PDIA5: variants seen among roughly 807,000 people sequenced by gnomAD.
The protein encoded by PDIA5 is protein disulfide-isomerase A5.
Under a neutral mutation model 77.6 loss-of-function variants are expected in PDIA5, and 58 were observed. The ratio of observed to expected loss-of-function variants is 0.75; its 90% CI spans 0.61 to 0.93. PDIA5 has a LOEUF of 0.93. Ranked by LOEUF, PDIA5 falls within the 40% of genes least tolerant of loss-of-function variation. The probability of loss-of-function intolerance (pLI) is 0.00; values close to 1 mark genes in which losing one functional copy is unlikely to be tolerated. For synonymous variants in PDIA5, 250 were observed against 252.1 expected (o/e 0.99, Z 0.08); for missense variants, 630 against 647.7 (o/e 0.97, Z 0.30).
At chr3:123,110,001 T>A (rs1934824247) in intron 6 of PDIA5, among the ~76,000 whole-genome samples, 1 of 152,256 alleles carries the variant, frequency 6.6e-6, no homozygotes, top group Non-Finnish European at 1.5e-5. Context: ...ATTTTCTTAT[T>A]TTCCTTATTA....
chr3:123,116,784 G>A lies in PDIA5; in HGVS notation c.609+486G>A, dbSNP rs189140402. Among the ~76,000 whole-genome samples, 433 of 152,286 alleles carry A rather than the reference G, an allele frequency of 2.8e-3. 5 individuals carry two copies. The highest frequency in any genetic ancestry group is 1.0e-2 in the African/African-American group (414 of 41,546). The stretch of plus-strand genomic sequence containing the variant: ...GTGGTTCCTGTGGGGCGGGAAGAAC[G>A]GTGGGAACCAGAGGAGGAGGAGGTG... On this transcript the variant is annotated intron_variant, in intron 8 of 16. Transcript: ENST00000316218.
chr3:123,101,599 C>T (rs1416276740), intron 3 of PDIA5, among the ~76,000 whole-genome samples: 2 of 152,172 alleles, frequency 1.3e-5, no homozygotes, highest in African/African-American at 4.8e-5. Context: ...TTCCTCTTAC[C>T]TTGGTCACGT....
At position 123,124,278 on chromosome 3, in the gene PDIA5, A is replaced by G. The variant is rs1289093522; in HGVS notation, c.708A>G (p.Gly236=). ...GFPTICYFEK[G]RFLFQYDNYG... ...GTTTCTCCACGTTTCACAGGAAAGG[A>G]CGGTTCTTGTTCCAGTATGACAACT... is the stretch of plus-strand genomic sequence containing the variant. Residue 236 remains glycine (G), a synonymous_variant, in exon 10 of 17, where the codon GGA becomes GGG. Transcript: ENST00000316218. The G allele has an allele frequency of 6.2e-7, 1 of 1,612,446 alleles. No individual in the cohort carries two copies. Among genetic ancestry groups the G allele is most frequent in the African/African-American group, 1.3e-5 (1 of 74,896 alleles).
At chr3:123,129,043 C>T (rs1037517853) in intron 10 of PDIA5, among the ~76,000 whole-genome samples, 57 of 137,214 alleles carry the variant, frequency 4.2e-4, no homozygotes, top group African/African-American at 1.4e-3. Flanking sequence ...TTACCTAACC[C>T]GTCCTTCCAA....
chr3:123,153,717 A>G (rs555302724), intron 14 of PDIA5, among the ~76,000 whole-genome samples: 2 of 152,268 alleles, frequency 1.3e-5, no homozygotes, highest in East Asian at 3.9e-4. Flanking sequence ...CAGCCAGGCC[A>G]TGTGGGTGGT....
chr3:123,097,401 C>T (rs1233599184), intron 3 of PDIA5, among the ~76,000 whole-genome samples: 1 of 152,074 alleles, frequency 6.6e-6, no homozygotes. Flanking sequence ...CTCTCTTTTT[C>T]CCGCCACTCT....
chr3:123,090,678 T>C (rs74656485), intron 2 of PDIA5, among the ~76,000 whole-genome samples: 3,461 of 152,240 alleles, frequency 0.023, 135 homozygotes, highest in African/African-American at 0.079. Flanking sequence ...GAGATCAGGT[T>C]GGGGCTGAGG....
At position 123,092,341 on chromosome 3, in the gene PDIA5, T is replaced by A. The variant is rs767081959; in HGVS notation, c.170-14T>A. The A allele has an allele frequency of 6.8e-7, 1 of 1,460,458 alleles. No homozygotes were observed. The highest frequency in any genetic ancestry group is 1.2e-5 in the South Asian group (1 of 84,554). 90.5% of individuals were successfully genotyped at this position (1,460,458 alleles called of 1,614,324 possible). ...TTGGTCACAGATGTTTAATTTTTTG[T>A]TTTTTTTTTACAGAGGTGGCAGCTG... is the stretch of plus-strand genomic sequence containing the variant. On this transcript the variant is annotated splice_polypyrimidine_tract_variant and intron_variant, in intron 2 of 16. Coordinates refer to ENST00000316218, the MANE Select transcript of PDIA5 (RefSeq NM_006810.4).
chr3:123,072,908 C>T (rs1933759402), intron 1 of PDIA5, among the ~76,000 whole-genome samples: 1 of 85,394 alleles, frequency 1.2e-5, no homozygotes, highest in African/African-American at 5.1e-5. Context: ...CCCTACCTCT[C>T]CTTCTGTGTG....
intron 15 of PDIA5, among the ~76,000 whole-genome samples, chr3:123,160,133 A>G (rs1457137749): frequency 6.6e-6 from 1 of 152,188 alleles, no homozygotes; most frequent in Admixed American, 6.5e-5. Context: ...CATCTAGAAC[A>G]GGCTTGGCAC....
intron 6 of PDIA5, 45 bp downstream of exon 6, chr3:123,106,886 T>C (rs1934748541): frequency 7.5e-7 from 1 of 1,342,222 alleles, no homozygotes; most frequent in Admixed American, 1.8e-5. Flanking sequence ...GAAGCTTCCC[T>C]GGTACCAGGG....
intron 1 of PDIA5, among the ~76,000 whole-genome samples, chr3:123,088,547 A>G (rs1308671389): frequency 6.6e-6 from 1 of 152,194 alleles, no homozygotes; most frequent in Non-Finnish European, 1.5e-5. Context: ...AGGAATATGG[A>G]CAGACATTGA....
chr3:123,104,888 C>A (rs191685569), intron 5 of PDIA5, among the ~76,000 whole-genome samples: 41 of 152,304 alleles, frequency 2.7e-4, no homozygotes, highest in Non-Finnish European at 4.6e-4. Flanking sequence ...TCCCTGCAGA[C>A]TTTTGCCCTG....
At chr3:123,097,689 G>GCC (rs1363252398) in intron 3 of PDIA5, among the ~76,000 whole-genome samples, 4 of 144,036 alleles carry the variant, frequency 2.8e-5, no homozygotes, top group African/African-American at 7.9e-5. Context: ...ACTCGCCCCC[G>GCC]CCCCCTCCCC....
At chr3:123,143,124 C>A (rs979054505) in intron 11 of PDIA5, among the ~76,000 whole-genome samples, 2 of 151,210 alleles carry the variant, frequency 1.3e-5, no homozygotes, top group African/African-American at 4.9e-5. Flanking sequence ...TGGTGGCTCA[C>A]ACCTGTAATC....
At chr3:123,117,507 A>G (rs1935026231) in intron 8 of PDIA5, among the ~76,000 whole-genome samples, 1 of 150,936 alleles carries the variant, frequency 6.6e-6, no homozygotes, top group Non-Finnish European at 1.5e-5. Context: ...CTTCAGATGT[A>G]TGCCATCTAG....
chr3:123,149,102 C>A lies in PDIA5; in HGVS notation c.1143-1132C>A, dbSNP rs140927506. On this transcript the variant is annotated intron_variant, in intron 13 of 16. Transcript: ENST00000316218. ...AGACAGGGAGGAAGGCTGGGAGGGG[C>A]CCGTCTTAGTCACCAGCACAGGAGA... Among the ~76,000 whole-genome samples the A allele has an allele frequency of 7.6e-4, 115 of 152,216 alleles. No individual in the cohort carries two copies. In the East Asian group the frequency reaches 0.019, roughly 26 times the overall value.
At chr3:123,153,842 A>C (rs1282062405) in intron 14 of PDIA5, among the ~76,000 whole-genome samples, 1 of 152,232 alleles carries the variant, frequency 6.6e-6, no homozygotes, top group Non-Finnish European at 1.5e-5. Flanking sequence ...TTATTTTAAA[A>C]AGGAGAAAGT....
chr3:123,141,849 G>A (rs1231025499), intron 11 of PDIA5, among the ~76,000 whole-genome samples: 4 of 152,206 alleles, frequency 2.6e-5, no homozygotes, highest in African/African-American at 7.2e-5. Flanking sequence ...GGGCCAGTGT[G>A]GAAAGACATC....
Sources: gnomAD v4.1 joint callset for allele counts (sites outside exome capture counted in the v4.1 genomes callset) on GRCh38, gnomAD v4.1.1 for gene constraint, MANE v1.5 for transcripts, NCBI Gene and HGNC (gene_info 2026-07-23, HGNC 2026-07-21) for gene names.